The following PRG3 variants were observed in gnomAD, a reference collection of about 807,000 sequenced individuals.
PRG3 encodes proteoglycan 3.
A neutral mutation model predicts 26.1 loss-of-function variants in PRG3; 25 were observed. That is an observed-to-expected ratio of 0.96 (90% CI 0.70 to 1.34). The LOEUF is 1.34. Among genes scored for constraint, PRG3 ranks in the 40% most tolerant of loss-of-function variants. PRG3 has a pLI of 0.00. For synonymous variants in PRG3, 111 were observed against 100.4 expected (o/e 1.11, Z -0.63); for missense variants, 280 against 264.8 (o/e 1.06, Z -0.40).
chr11:57,377,105 G>A (rs77497912), intron 5 of PRG3, among the ~76,000 whole-genome samples, 197 bp from the exon 6 acceptor site: 5,972 of 152,260 alleles, frequency 0.039, 398 homozygotes, highest in African/African-American at 0.14. Context: ...AACTGCATTA[G>A]ATGGACTTAG....
intron 3 of PRG3, 43 bp from the exon 4 acceptor site, chr11:57,378,855 C>A (rs774810256): frequency 6.2e-7 from 1 of 1,607,980 alleles, no homozygotes. Context: ...TCATTTATTT[C>A]AAGTTTCTGA....
At chr11:57,376,984 G>C in intron 5 of PRG3, 76 bp from the exon 6 acceptor site, 1 of 1,504,164 alleles carries the variant, frequency 6.6e-7, no homozygotes, top group South Asian at 1.1e-5. Context: ...CCTCCTCAGG[G>C]GCCCCCTATG....
intron 5 of PRG3, 78 bp from the exon 6 acceptor site, chr11:57,376,986 C>G (rs1565078564): frequency 7.0e-7 from 1 of 1,422,998 alleles, no homozygotes; most frequent in East Asian, 2.3e-5. Context: ...TCCTCAGGGG[C>G]CCCCTATGTC....
intron 2 of PRG3, among the ~76,000 whole-genome samples, chr11:57,380,185 A>T (rs527809966): frequency 6.6e-6 from 1 of 152,284 alleles, no homozygotes; most frequent in East Asian, 1.9e-4. Flanking sequence ...GCGAATCACA[A>T]GGTTAGGAGT....
chr11:57,379,151 C>T (rs1856973272), intron 3 of PRG3, among the ~76,000 whole-genome samples: 1 of 152,226 alleles, frequency 6.6e-6, no homozygotes, highest in Non-Finnish European at 1.5e-5. Flanking sequence ...AAAGGCAAAG[C>T]AACTTGCCCA....
rs1274515409 is a variant in PRG3 at position 57,378,794 on chromosome 11, A to G, written c.394T>C (p.Tyr132His). 6.2e-7 allele frequency: 1 copy of G among 1,613,810 alleles called. No individual in the cohort carries two copies. Among genetic ancestry groups the G allele is most frequent in the Non-Finnish European group, 8.5e-7 (1 of 1,179,968 alleles). ...TGGATAGAGACAAGGTTGCCTCCGT[A>G]GCATCTGCTGCAGACATTCTGCAGA... is the stretch of plus-strand genomic sequence containing the variant. ...AEAQNVCSRCYGGNLVSIHDF... is the reference protein window; with the variant it reads ...AEAQNVCSRCHGGNLVSIHDF... The change falls in exon 4 of 6, where the codon TAC becomes CAC. Residue 132 changes from tyrosine (Y) to histidine (H), a missense_variant. By Grantham distance (83) the Tyr-to-His change is moderately conservative (BLOSUM62 2). Coordinates refer to ENST00000287143, the MANE Select transcript of PRG3 (RefSeq NM_006093.4).
chr11:57,380,409 CAAAAAACAAACAAAAA>C (rs1163396815), intron 2 of PRG3, among the ~76,000 whole-genome samples: 3 of 10,380 alleles, frequency 2.9e-4, no homozygotes, highest in Non-Finnish European at 9.0e-4. Context: ...CAAAACAAAA[CAAAAAACAAACAAAAA>C]AAAAAACAAA....
chr11:57,377,013 G>A (rs563864151), intron 5 of PRG3, 105 bp from the exon 6 acceptor site: 7 of 1,144,454 alleles, frequency 6.1e-6, no homozygotes, highest in Admixed American at 5.4e-5. Flanking sequence ...TATGGCCATC[G>A]TCATCTGCCA....
chr11:57,377,295 A>C (rs1856953987), intron 5 of PRG3, among the ~76,000 whole-genome samples: 1 of 152,158 alleles, frequency 6.6e-6, no homozygotes, highest in Non-Finnish European at 1.5e-5. Flanking sequence ...ATATGGTCTC[A>C]GCCACTATAC....
chr11:57,377,739 G>T lies in PRG3; in HGVS notation c.605C>A (p.Ala202Asp), dbSNP rs1026090179. 1.9e-6 allele frequency: 3 copies of T among 1,612,460 alleles called. No individual in the cohort carries two copies. The highest frequency in any genetic ancestry group is 1.3e-5 in the African/African-American group (1 of 74,898). Residue 202 changes from alanine (A) to aspartate (D), a missense_variant, in exon 5 of 6, where the codon GCC (alanine) becomes GAC (aspartate). Transcript: ENST00000287143. Reference protein sequence around the residue: ...QPGNGQGSCVALCTKGGYWRR... With the variant: ...QPGNGQGSCVDLCTKGGYWRR... Reference sequence around the variant, plus strand: ...TTCCCCCTCACCTTTGGTGCATAGGGCCACACAGGAGCCTTGCCCATTCCC... The same window carrying T: ...TTCCCCCTCACCTTTGGTGCATAGGTCCACACAGGAGCCTTGCCCATTCCC...
chr11:57,380,612 G>C (rs1312370739), intron 2 of PRG3, 36 bp downstream of exon 2: 2 of 1,517,486 alleles, frequency 1.3e-6, no homozygotes. Flanking sequence ...AAGGAAAAAA[G>C]GGAAAGACGC....
chr11:57,377,052 G>A, intron 5 of PRG3, 144 bp from the exon 6 acceptor site: 1 of 771,110 alleles, frequency 1.3e-6, no homozygotes, highest in Non-Finnish European at 2.1e-6. Flanking sequence ...ATCCCTACTG[G>A]CTCACATTTG....
At position 57,379,800 on chromosome 11, in the gene PRG3, A is replaced by G; in HGVS notation, c.69T>C (p.Asp23=). ...TCTCTAGGCTCTCCAGATGGGGGGC[A>G]TCATTCTCTGGGAAGAAGAGGTAAC... ...GTVSALHLEN[D]APHLESLETQ... Residue 23 remains aspartate, a synonymous_variant, in exon 3 of 6, where the codon GAT becomes GAC. Coordinates refer to ENST00000287143, the MANE Select transcript of PRG3 (RefSeq NM_006093.4). 1 of 1,605,444 alleles carries G rather than the reference A, an allele frequency of 6.2e-7. No homozygotes were observed. The highest frequency in any genetic ancestry group is 1.3e-5 in the African/African-American group (1 of 74,756).
rs757207690 is a variant in PRG3, at chr11:57,378,732, A to G, written c.456T>C (p.Thr152=). ...FNFNYRIQCC[T]STVNQAQVWI... is the part of the protein sequence containing the mutation. ...AGACCTGGGCTTGGTTGACTGTGCT[A>G]GTGCAGCACTGAATGCGATAGTTGA... is the stretch of plus-strand genomic sequence containing the variant. The change falls in exon 4 of 6, where the codon ACT becomes ACC. Residue 152 remains threonine (T), a synonymous_variant. Transcript: ENST00000287143. The G allele has an allele frequency of 1.9e-6, 3 of 1,613,774 alleles. No homozygotes were observed. Among genetic ancestry groups the G allele is most frequent in the Middle Eastern group, 1.6e-4 (1 of 6,062 alleles).
At chr11:57,377,700 C>T (rs1856957933) in intron 5 of PRG3, 25 bp downstream of exon 5, 2 of 1,579,398 alleles carry the variant, frequency 1.3e-6, no homozygotes, top group Admixed American at 3.4e-5. Flanking sequence ...TCCCTTCTCC[C>T]TGCCCTGGTG....
intron 1 of PRG3, 81 bp from the exon 2 acceptor site, chr11:57,380,862 A>G (rs879062636): frequency 1.8e-6 from 1 of 540,664 alleles, no homozygotes; most frequent in South Asian, 3.0e-5. Flanking sequence ...CTTGCCATGA[A>G]CAGACCCTGA....
intron 5 of PRG3, among the ~76,000 whole-genome samples, chr11:57,377,355 T>C (rs2846393): frequency 0.96 from 146,439 of 152,234 alleles, 70,737 homozygotes; most frequent in Non-Finnish European, 1. Context: ...CTGTTGGAGG[T>C]GGGCATCTTG....
At chr11:57,378,551 ATC>A (rs1856965484) in intron 4 of PRG3, 128 bp downstream of exon 4, 7 of 1,251,668 alleles carry the variant, frequency 5.6e-6, no homozygotes, top group Non-Finnish European at 7.9e-6. Context: ...AGTACAAGCC[ATC>A]TCCAGCACAT....
At chr11:57,380,873 G>A (rs1409480372) in intron 1 of PRG3, 92 bp from the exon 2 acceptor site, 1 of 509,472 alleles carries the variant, frequency 2.0e-6, no homozygotes, top group Non-Finnish European at 3.4e-6. Flanking sequence ...CAGACCCTGA[G>A]CTGGAGAGTC....
Sources: allele counts gnomAD v4.1 joint callset (sites outside exome capture counted in the v4.1 genomes callset), GRCh38; gene constraint gnomAD v4.1.1; transcripts MANE v1.5; gene names NCBI Gene and HGNC (gene_info 2026-07-23, HGNC 2026-07-21).